Variants in PREX1 observed in about 807,000 individuals in gnomAD.
The protein encoded by PREX1 is phosphatidylinositol 3,4,5-trisphosphate-dependent Rac exchanger 1 protein.
Under a neutral mutation model 198.3 loss-of-function variants are expected in PREX1, and 41 were observed. The observed-to-expected ratio is 0.21, with a 90% confidence interval of 0.16 to 0.27. The LOEUF (loss-of-function observed/expected upper bound fraction) is 0.27, where lower values mean the gene tolerates loss of function less well. Ranked by LOEUF, PREX1 falls within the 10% of genes least tolerant of loss-of-function variation. The probability of loss-of-function intolerance (pLI) is 1.00; values close to 1 mark genes in which losing one functional copy is unlikely to be tolerated. For missense variants in PREX1, 1,620 were observed against 2,200.7 expected (o/e 0.74, Z 5.28); for synonymous variants, 843 against 887.2 (o/e 0.95, Z 0.89).
chr20:48,725,332 T>C (rs919878288), intron 5 of PREX1, among the ~76,000 whole-genome samples: 2 of 152,242 alleles, frequency 1.3e-5, no homozygotes, highest in Admixed American at 1.3e-4. Flanking sequence ...TTCAGCCATT[T>C]CCAAGGGCTG....
chr20:48,627,508 T>C (rs1337539046), intron 39 of PREX1, 40 bp downstream of exon 39: 1 of 1,610,486 alleles, frequency 6.2e-7, no homozygotes, highest in South Asian at 1.1e-5. Flanking sequence ...GGTCGCCAGC[T>C]GGGAGTGGAC....
intron 15 of PREX1, among the ~76,000 whole-genome samples, chr20:48,665,375 T>TCCAGATGGCCTGAATTCTAATCCCGCC (rs1568812892): frequency 1.3e-4 from 20 of 149,736 alleles, no homozygotes; most frequent in Admixed American, 1.3e-3. Context: ...TAATCCTGGC[T>TCCAGATGGCCTGAATTCTAATCCCGCC]CCAGATGGCC....
intron 1 of PREX1, among the ~76,000 whole-genome samples, chr20:48,754,090 G>A (rs980064131): frequency 2.6e-5 from 4 of 152,222 alleles, no homozygotes; most frequent in Non-Finnish European, 5.9e-5. Flanking sequence ...GGGAGAGACA[G>A]GGAGAAACTG....
intron 1 of PREX1, among the ~76,000 whole-genome samples, chr20:48,753,444 T>C (rs528983292): frequency 3.3e-5 from 5 of 152,034 alleles, no homozygotes; most frequent in Non-Finnish European, 7.4e-5. Flanking sequence ...TTTTGGGTTG[T>C]CACAACTGAG....
At chr20:48,776,045 GA>G (rs1366244706) in intron 1 of PREX1, among the ~76,000 whole-genome samples, 1 of 152,132 alleles carries the variant, frequency 6.6e-6, no homozygotes, top group African/African-American at 2.4e-5. Flanking sequence ...CAAGCAGGGG[GA>G]AGAGACAAGC....
At chr20:48,654,457 G>C (rs940974959) in intron 19 of PREX1, among the ~76,000 whole-genome samples, 5 of 152,138 alleles carry the variant, frequency 3.3e-5, no homozygotes, top group African/African-American at 1.2e-4. Flanking sequence ...CCTGTGCACT[G>C]CAGCACGTTT....
chr20:48,707,602 C>T (rs1030693528), intron 6 of PREX1, among the ~76,000 whole-genome samples: 1 of 152,198 alleles, frequency 6.6e-6, no homozygotes, highest in Non-Finnish European at 1.5e-5. Context: ...ATCTCCTGTT[C>T]CAGCTGTATT....
At chr20:48,702,177 C>T (rs980782612) in intron 6 of PREX1, among the ~76,000 whole-genome samples, 8 of 148,244 alleles carry the variant, frequency 5.4e-5, no homozygotes, top group African/African-American at 2.0e-4. Context: ...CACTGAACTC[C>T]AGCCTGGGCG....
At chr20:48,839,254 T>C in the PREX1 span, among the ~76,000 whole-genome samples, 1 of 152,150 alleles carries the variant, frequency 6.6e-6, no homozygotes, top group African/African-American at 2.4e-5. Flanking sequence ...CATTAGACTA[T>C]GGCCTAGGTT....
intron 1 of PREX1, among the ~76,000 whole-genome samples, chr20:48,817,052 A>G (rs1292037437): frequency 6.6e-6 from 1 of 152,216 alleles, no homozygotes; most frequent in Non-Finnish European, 1.5e-5. Flanking sequence ...GCTGTAAATG[A>G]AACAGGATGT....
At chr20:48,737,271 C>T (rs530640409) in intron 3 of PREX1, among the ~76,000 whole-genome samples, 73 of 137,438 alleles carry the variant, frequency 5.3e-4, no homozygotes, top group Admixed American at 4.0e-3. Flanking sequence ...AGGAAGGCAG[C>T]AGATAGACTC....
intron 1 of PREX1, among the ~76,000 whole-genome samples, chr20:48,757,961 A>T (rs2090162258): frequency 6.6e-6 from 1 of 152,238 alleles, no homozygotes; most frequent in South Asian, 2.1e-4. Flanking sequence ...CAGAGAATGC[A>T]GGGAGTGTGT....
intron 27 of PREX1, 99 bp downstream of exon 27, chr20:48,644,307 AAAC>A: frequency 9.7e-7 from 1 of 1,027,920 alleles, no homozygotes; most frequent in Non-Finnish European, 1.4e-6. Flanking sequence ...ATAAAACACA[AAAC>A]AATATAATGC....
chr20:48,874,247 G>A, the PREX1 span, among the ~76,000 whole-genome samples: 5,142 of 152,120 alleles, frequency 0.034, 313 homozygotes, highest in African/African-American at 0.12. Flanking sequence ...TCGAACCCAC[G>A]ACTTTCCAAA....
chr20:48,733,270 C>T (rs569437970), intron 4 of PREX1, among the ~76,000 whole-genome samples: 1 of 152,338 alleles, frequency 6.6e-6, no homozygotes, highest in South Asian at 2.1e-4. Context: ...CCCAGAAATG[C>T]AAACCAACTG....
chr20:48,836,535 T>C, the PREX1 span, among the ~76,000 whole-genome samples: 9 of 152,194 alleles, frequency 5.9e-5, no homozygotes, highest in Non-Finnish European at 1.3e-4. Flanking sequence ...GGGCAAAGTC[T>C]GGAGTGCAGT....
At chr20:48,794,920 C>G (rs1230717577) in intron 1 of PREX1, among the ~76,000 whole-genome samples, 1 of 152,178 alleles carries the variant, frequency 6.6e-6, no homozygotes, top group Non-Finnish European at 1.5e-5. Context: ...TGTGACTAGC[C>G]TATGAGTTGA....
intron 1 of PREX1, among the ~76,000 whole-genome samples, chr20:48,808,227 GC>G (rs2090420652): frequency 6.6e-6 from 1 of 152,128 alleles, no homozygotes; most frequent in African/African-American, 2.4e-5. Flanking sequence ...CAAATTCCCT[GC>G]CATCCCCTCA....
chr20:48,686,098 T>C (rs1010546816), intron 10 of PREX1, among the ~76,000 whole-genome samples: 1 of 152,132 alleles, frequency 6.6e-6, no homozygotes, highest in Non-Finnish European at 1.5e-5. Context: ...TGTGCCTCGG[T>C]TTCCTCACTT....
Sources: allele counts gnomAD v4.1 joint callset (sites outside exome capture counted in the v4.1 genomes callset), GRCh38; gene constraint gnomAD v4.1.1; transcripts MANE v1.5; gene names NCBI Gene and HGNC (gene_info 2026-07-23, HGNC 2026-07-21).